The following FRYL variants were observed in gnomAD, a reference collection of about 807,000 sequenced individuals.
FRYL encodes FRY like transcription coactivator.
In FRYL, 150 loss-of-function variants were observed where a neutral mutation model predicts 351.2. The ratio of observed to expected loss-of-function variants is 0.43; its 90% CI spans 0.37 to 0.49. The LOEUF (loss-of-function observed/expected upper bound fraction) is 0.49, where lower values mean the gene tolerates loss of function less well. FRYL is among the 20% of genes least tolerant of loss of function. The probability of loss-of-function intolerance (pLI) is 0.00; values close to 1 mark genes in which losing one functional copy is unlikely to be tolerated. For synonymous variants in FRYL, 1,153 were observed against 1,257.1 expected, an observed-to-expected ratio of 0.92 and a Z score of 1.75; for missense variants, 3,036 against 3,619.3, an observed-to-expected ratio of 0.84 and a Z score of 4.13.
intron 2 of FRYL, among the ~76,000 whole-genome samples, chr4:48,693,676 C>A (rs1196854739): frequency 6.7e-6 from 1 of 149,152 alleles, no homozygotes; most frequent in Non-Finnish European, 1.5e-5. Context: ...GTGAAGGAAA[C>A]AACTACAGTA....
chr4:48,712,472 T>C (rs1768199110), intron 1 of FRYL, among the ~76,000 whole-genome samples: 1 of 151,892 alleles, frequency 6.6e-6, no homozygotes, highest in South Asian at 2.1e-4. Flanking sequence ...GTATCAGCGA[T>C]GGAAGATGAA....
intron 1 of FRYL, among the ~76,000 whole-genome samples, chr4:48,731,990 C>T (rs1241726512): frequency 1.3e-5 from 2 of 152,084 alleles, no homozygotes; most frequent in Admixed American, 6.5e-5. Context: ...AGTGAGGCAA[C>T]CTACAGAATG....
chr4:48,505,973 G>A (rs1720824749), intron 59 of FRYL: 1 of 179,516 alleles, frequency 5.6e-6, no homozygotes, highest in Non-Finnish European at 1.2e-5. Flanking sequence ...AAGGAAAGAT[G>A]TGCTTCCCCT....
chr4:48,533,815 A>G (rs1728257251), intron 49 of FRYL, among the ~76,000 whole-genome samples: 1 of 152,222 alleles, frequency 6.6e-6, no homozygotes, highest in Non-Finnish European at 1.5e-5. Context: ...GGCACTTTTT[A>G]TCAGACACAC....
chr4:48,528,083 G>A (rs1391785858), intron 51 of FRYL, 38 bp from the exon 52 acceptor site: 1 of 1,553,136 alleles, frequency 6.4e-7, no homozygotes, highest in African/African-American at 1.4e-5. Context: ...TAGGACTGCT[G>A]ATAAAATAAG....
Position 48,724,745 on chromosome 4 carries a change from G to A in FRYL, c.-383-14047C>T, listed in dbSNP as rs1014144894. ...TCAAACAGTTTATTCAATAAAATGC[G>A]TATTAACAACTTCATAAATTTCCAT... On this transcript the variant is annotated intron_variant, in intron 1 of 63. Transcript: ENST00000358350. 1.6e-4 allele frequency among the ~76,000 whole-genome samples: 25 copies of A among 152,266 alleles called. 3 individuals carry two copies. Among genetic ancestry groups the A allele is most frequent in the East Asian group, 1.3e-3 (7 of 5,186 alleles).
At chr4:48,564,145 A>AT (rs1560614426) in intron 30 of FRYL, 43 bp from the exon 31 acceptor site, 1 of 1,605,758 alleles carries the variant, frequency 6.2e-7, no homozygotes, top group South Asian at 1.1e-5. Context: ...AACGTTATAT[A>AT]TTTTTTGTCT....
At chr4:48,713,898 G>A (rs916638916) in intron 1 of FRYL, among the ~76,000 whole-genome samples, 1 of 152,098 alleles carries the variant, frequency 6.6e-6, no homozygotes, top group Non-Finnish European at 1.5e-5. Flanking sequence ...AAATGGAAAA[G>A]AACAGAAATT....
chr4:48,710,096 G>C (rs1767838607), intron 2 of FRYL, among the ~76,000 whole-genome samples: 2 of 152,150 alleles, frequency 1.3e-5, no homozygotes, highest in Admixed American at 6.6e-5. Context: ...GGCACACATA[G>C]TGCTATGCTA....
At chr4:48,537,616 G>T (rs1729177502) in intron 47 of FRYL, among the ~76,000 whole-genome samples, 1 of 152,212 alleles carries the variant, frequency 6.6e-6, no homozygotes, top group Non-Finnish European at 1.5e-5. Context: ...AAAGCATACG[G>T]AGAGGGAACC....
At chr4:48,741,130 G>A (rs777949071) in intron 1 of FRYL, among the ~76,000 whole-genome samples, 2 of 152,110 alleles carry the variant, frequency 1.3e-5, no homozygotes, top group Admixed American at 6.5e-5. Flanking sequence ...CATGGAGGCC[G>A]GGTGTGGTGG....
intron 7 of FRYL, among the ~76,000 whole-genome samples, chr4:48,614,129 G>A (rs760836040): frequency 6.6e-6 from 1 of 151,992 alleles, no homozygotes; most frequent in African/African-American, 2.4e-5. Flanking sequence ...AGTTCGAGGT[G>A]TGATAAAAAA....
intron 16 of FRYL, 37 bp downstream of exon 16, chr4:48,593,893 T>G: frequency 1.0e-6 from 1 of 981,014 alleles, no homozygotes; most frequent in Non-Finnish European, 1.4e-6. Flanking sequence ...AAAAAAAAAA[T>G]CTAGGATTTT....
At chr4:48,524,179 T>TC (rs1447176308) in intron 53 of FRYL, among the ~76,000 whole-genome samples, 4 of 151,676 alleles carry the variant, frequency 2.6e-5, no homozygotes, top group South Asian at 2.1e-4. Context: ...AGTTTTCAAA[T>TC]CTTTTTTTTT....
At chr4:48,623,224 A>G in intron 4 of FRYL, 45 bp from the exon 5 acceptor site, 2 of 1,068,220 alleles carry the variant, frequency 1.9e-6, no homozygotes, top group Non-Finnish European at 2.7e-6. Context: ...ATAAAGCACA[A>G]ATATAAAACA....
chr4:48,510,123 A>T lies in FRYL; in HGVS notation c.8330T>A (p.Phe2777Tyr). The change falls in exon 59 of 64, where the codon TTT becomes TAT. Residue 2777 changes from phenylalanine to tyrosine, a missense_variant. Around this residue, in one of 7 missense-constraint regions of FRYL, gnomAD observed 1,987 missense variants for 2,311.7 expected, o/e 0.86. Transcript: ENST00000358350. ...MSCGLLETLK[F>Y]GVLELQEHLD... The stretch of plus-strand genomic sequence containing the variant: ...GTGTTCTTGCAACTCCAAAACACCA[A>T]ACTTGAGTGTTTCCAGCAAACCACA... 6.2e-7 allele frequency: 1 copy of T among 1,613,712 alleles called. No homozygotes were observed. Among genetic ancestry groups the T allele is most frequent in the South Asian group, 1.1e-5 (1 of 91,078 alleles).
At chr4:48,662,179 C>T (rs962477141) in intron 3 of FRYL, among the ~76,000 whole-genome samples, 26 of 152,262 alleles carry the variant, frequency 1.7e-4, no homozygotes, top group African/African-American at 6.3e-4. Flanking sequence ...GTGGCTGACA[C>T]GTGTAATCCC....
At chr4:48,560,672 C>T (rs1231485002) in intron 33 of FRYL, among the ~76,000 whole-genome samples, 2 of 151,982 alleles carry the variant, frequency 1.3e-5, no homozygotes, top group South Asian at 2.1e-4. Flanking sequence ...GTCACGGATG[C>T]GGGGGTTGGG....
At chr4:48,701,001 C>T (rs1766660807) in intron 2 of FRYL, among the ~76,000 whole-genome samples, 1 of 152,046 alleles carries the variant, frequency 6.6e-6, no homozygotes, top group South Asian at 2.1e-4. Flanking sequence ...CTTAGGCAAG[C>T]TCATTTAAAA....
Sources: gnomAD v4.1 joint callset for allele counts (sites outside exome capture counted in the v4.1 genomes callset) on GRCh38, gnomAD v4.1.1 for gene constraint, gnomAD v4.1.1 regional missense constraint, MANE v1.5 for transcripts, NCBI Gene and HGNC (gene_info 2026-07-23, HGNC 2026-07-21) for gene names.